STAC: variants seen among roughly 807,000 people sequenced by gnomAD.
The protein encoded by STAC is SH3 and cysteine-rich domain-containing protein.
A neutral mutation model predicts 48.8 loss-of-function variants in STAC; 43 were observed. The observed-to-expected ratio is 0.88, with a 90% CI of 0.69 to 1.14. The LOEUF is 1.14. STAC is among the 50% of genes most tolerant of loss of function. The pLI is 0.00. For missense variants in STAC, 497 were observed against 504.0 expected (o/e 0.99, Z 0.13); for synonymous variants, 193 against 179.5 (o/e 1.07, Z -0.60).
intron 1 of STAC, among the ~76,000 whole-genome samples, chr3:36,402,805 TC>T (rs1441830092): frequency 9.2e-5 from 14 of 152,150 alleles, no homozygotes; most frequent in Non-Finnish European, 1.8e-4. Context: ...CACCCACGTA[TC>T]CTAAAGCAAA....
intron 1 of STAC, among the ~76,000 whole-genome samples, chr3:36,430,664 A>G (rs1406047477): frequency 2.6e-5 from 4 of 152,354 alleles, no homozygotes; most frequent in South Asian, 2.1e-4. Context: ...TAGAGCTGCC[A>G]TAACAGAGTA....
intron 8 of STAC, among the ~76,000 whole-genome samples, chr3:36,510,863 G>A (rs138588102): frequency 0.016 from 2,401 of 151,964 alleles, 52 homozygotes; most frequent in African/African-American, 0.054. Context: ...TGTAGATGAC[G>A]GGTTGATGGA....
intron 2 of STAC, among the ~76,000 whole-genome samples, chr3:36,458,597 C>A (rs1252827252): frequency 6.6e-6 from 1 of 152,184 alleles, no homozygotes; most frequent in Non-Finnish European, 1.5e-5. Context: ...AGTGTGATAT[C>A]TACCAAATCA....
intron 8 of STAC, among the ~76,000 whole-genome samples, chr3:36,510,579 T>G (rs1233884313): frequency 6.6e-6 from 1 of 152,142 alleles, no homozygotes; most frequent in Non-Finnish European, 1.5e-5. Flanking sequence ...AATGATAGAT[T>G]GGATAAAGAA....
chr3:36,416,576 C>G (rs917046004), intron 1 of STAC, among the ~76,000 whole-genome samples: 14 of 152,166 alleles, frequency 9.2e-5, no homozygotes, highest in Non-Finnish European at 2.9e-5. Flanking sequence ...CTCTTTATAT[C>G]AAGTCTTGTA....
At chr3:36,490,253 G>A (rs939319872) in intron 5 of STAC, among the ~76,000 whole-genome samples, 1 of 152,076 alleles carries the variant, frequency 6.6e-6, no homozygotes, top group Non-Finnish European at 1.5e-5. Flanking sequence ...CACGTACCAC[G>A]TTGCATCTCC....
At chr3:36,428,909 C>A (rs780949369) in intron 1 of STAC, among the ~76,000 whole-genome samples, 15 of 152,024 alleles carry the variant, frequency 9.9e-5, no homozygotes, top group Non-Finnish European at 1.5e-4. Flanking sequence ...TCACTCTTGG[C>A]CACTTTGAAG....
At chr3:36,423,814 T>A (rs1700501612) in intron 1 of STAC, among the ~76,000 whole-genome samples, 1 of 152,194 alleles carries the variant, frequency 6.6e-6, no homozygotes, top group Non-Finnish European at 1.5e-5. Flanking sequence ...TTTTCAGGCT[T>A]ATTAACACAT....
chr3:36,528,961 G>T lies in STAC; in HGVS notation c.1086G>T (p.Gly362=), dbSNP rs374926738. 4.3e-6 allele frequency: 7 copies of T among 1,610,026 alleles called. No homozygotes were observed. In the East Asian group the frequency reaches 1.3e-4, roughly 31 times the overall value. Residue 362 remains glycine, a synonymous_variant, in exon 10 of 11, where the codon GGG becomes GGT. Coordinates refer to ENST00000273183, the MANE Select transcript of STAC (RefSeq NM_003149.3). ...VRTFIGCKEQ[G]QITLKENQIC... The stretch of plus-strand genomic sequence containing the variant: ...CCTTCATTGGGTGTAAGGAACAGGG[G>T]CAGATAACACTGAAAGAGAATCAGG...
chr3:36,385,955 T>C (rs1053575400), intron 1 of STAC, among the ~76,000 whole-genome samples: 1 of 152,070 alleles, frequency 6.6e-6, no homozygotes, highest in African/African-American at 2.4e-5. Flanking sequence ...GCTATGAACA[T>C]TCCTTATATA....
intron 8 of STAC, 144 bp downstream of exon 8, chr3:36,505,978 G>A: frequency 3.6e-6 from 2 of 559,636 alleles, no homozygotes; most frequent in Non-Finnish European, 3.1e-6. Context: ...GACCTGCAAG[G>A]CTGGTTAACA....
chr3:36,502,256 G>A (rs554071872), intron 6 of STAC, among the ~76,000 whole-genome samples: 40 of 152,148 alleles, frequency 2.6e-4, no homozygotes, highest in Non-Finnish European at 5.1e-4. Context: ...TGAAATAAAC[G>A]ACCAAGTTAT....
intron 8 of STAC, among the ~76,000 whole-genome samples, chr3:36,508,135 C>A (rs1268914354): frequency 6.6e-6 from 1 of 151,966 alleles, no homozygotes; most frequent in African/African-American, 2.4e-5. Flanking sequence ...GTTCTCATTG[C>A]TGTCAAGTAA....
At chr3:36,500,949 CGGGCAGGGT>C (rs1313827243) in intron 6 of STAC, among the ~76,000 whole-genome samples, 1 of 151,876 alleles carries the variant, frequency 6.6e-6, no homozygotes, top group African/African-American at 2.4e-5. Context: ...GAAAATTAGC[CGGGCAGGGT>C]GGCATATGTC....
At chr3:36,485,731 A>G (rs77475108) in intron 4 of STAC, 2,706 of 154,554 alleles carry the variant, frequency 0.018, 21 homozygotes, top group Non-Finnish European at 0.021. Flanking sequence ...AAATTAATGA[A>G]GCCCAGTAGT....
intron 1 of STAC, among the ~76,000 whole-genome samples, chr3:36,430,541 C>G (rs1700675620): frequency 6.6e-6 from 1 of 152,210 alleles, no homozygotes; most frequent in Non-Finnish European, 1.5e-5. Context: ...GCCTGTGCAA[C>G]AGTAGAAATA....
chr3:36,421,334 T>C (rs1700443384), intron 1 of STAC, among the ~76,000 whole-genome samples: 1 of 152,236 alleles, frequency 6.6e-6, no homozygotes. Context: ...CTCTTACATA[T>C]TGTACCTTTT....
At chr3:36,445,285 A>G (rs922222645) in intron 2 of STAC, among the ~76,000 whole-genome samples, 1 of 152,216 alleles carries the variant, frequency 6.6e-6, no homozygotes, top group African/African-American at 2.4e-5. Flanking sequence ...AGAGAGTTGC[A>G]CTGCACTTTT....
intron 1 of STAC, among the ~76,000 whole-genome samples, chr3:36,408,823 G>C (rs971403310): frequency 6.6e-6 from 1 of 152,160 alleles, no homozygotes; most frequent in African/African-American, 2.4e-5. Context: ...TCTGCATTAA[G>C]ACCTCTTGTT....
Sources: gnomAD v4.1 joint callset for allele counts (sites outside exome capture counted in the v4.1 genomes callset) on GRCh38, gnomAD v4.1.1 for gene constraint, MANE v1.5 for transcripts, NCBI Gene and HGNC (gene_info 2026-07-23, HGNC 2026-07-21) for gene names.